TMEM245: variants seen among roughly 807,000 people sequenced by gnomAD.
The protein encoded by TMEM245 is transmembrane protein 245.
TMEM245 carries 69 observed loss-of-function variants against 101.2 expected under a neutral mutation model. That is an observed-to-expected ratio of 0.68 (90% confidence interval 0.56 to 0.83). The LOEUF is 0.83. Ranked by LOEUF, TMEM245 falls within the 40% of genes least tolerant of loss-of-function variation. The probability of loss-of-function intolerance (pLI) is 0.00; values close to 1 mark genes in which losing one functional copy is unlikely to be tolerated. For synonymous variants in TMEM245, 537 were observed against 449.8 expected (o/e 1.19, Z -2.45); for missense variants, 1,075 against 1,092.8 (o/e 0.98, Z 0.23).
chr9:109,059,208 T>C (rs938109142), intron 11 of TMEM245, among the ~76,000 whole-genome samples: 3 of 152,204 alleles, frequency 2.0e-5, no homozygotes, highest in African/African-American at 7.2e-5. Context: ...AGATATTCCC[T>C]GAATATTTTT....
chr9:109,031,217 T>A (rs983042205), intron 17 of TMEM245, among the ~76,000 whole-genome samples: 1 of 152,252 alleles, frequency 6.6e-6, no homozygotes, highest in African/African-American at 2.4e-5. Context: ...CTTTTAGGTA[T>A]ATGTCCAACT....
chr9:109,101,344 C>T lies in TMEM245; in HGVS notation c.799+5164G>A, dbSNP rs548591163. Among the ~76,000 whole-genome samples the T allele has an allele frequency of 2.6e-5, 4 of 152,180 alleles. No homozygotes were observed. In the East Asian group the frequency reaches 5.8e-4, roughly 22 times the overall value. ...ACACTGGAAATGACAAGGAAAGAGC[C>T]GATGCACACACTGTTGTGGCAGTAT... On this transcript the variant is annotated intron_variant, in intron 3 of 17. Transcript: ENST00000374586.
At chr9:109,033,938 T>C (rs544499779) in intron 16 of TMEM245, among the ~76,000 whole-genome samples, 5 of 152,358 alleles carry the variant, frequency 3.3e-5, no homozygotes, top group African/African-American at 4.8e-5. Flanking sequence ...AATGAGAGCA[T>C]CCCTGTTACT....
chr9:109,090,398 G>T (rs550433619), intron 5 of TMEM245, among the ~76,000 whole-genome samples: 140 of 152,158 alleles, frequency 9.2e-4, no homozygotes, highest in Non-Finnish European at 1.5e-3. Flanking sequence ...ACATGAAATT[G>T]TAAGAAGCTA....
chr9:109,099,479 G>C (rs1469656747), intron 3 of TMEM245, among the ~76,000 whole-genome samples: 4 of 152,138 alleles, frequency 2.6e-5, no homozygotes, highest in Non-Finnish European at 5.9e-5. Flanking sequence ...GTACTTGCTG[G>C]TACTTCTCAG....
chr9:109,090,550 G>A (rs1264502765), intron 5 of TMEM245, among the ~76,000 whole-genome samples: 2 of 151,730 alleles, frequency 1.3e-5, no homozygotes, highest in African/African-American at 2.4e-5. Flanking sequence ...GTGAAACGCT[G>A]TCTCTACTAA....
At chr9:109,057,142 GTTTGT>G (rs1163730981) in intron 12 of TMEM245, 44 bp downstream of exon 12, 6 of 1,589,842 alleles carry the variant, frequency 3.8e-6, no homozygotes, top group Non-Finnish European at 5.2e-6. Flanking sequence ...TGGAATTACA[GTTTGT>G]TTTTATTTTG....
At position 109,018,274 on chromosome 9, in the gene TMEM245, C is replaced by T. The variant is rs1278971847; in HGVS notation, c.*2186G>A. The T allele has an allele frequency of 6.6e-6, 1 of 152,086 alleles. No homozygotes were observed. Among genetic ancestry groups the T allele is most frequent in the Non-Finnish European group, 1.5e-5 (1 of 68,010 alleles). 9.4% of individuals were successfully genotyped at this position (152,086 alleles called of 1,614,324 possible). ...TAACAAAAACAAATGATTTTTTAGCCTTTTAATGCAAAAAATTTAAATTTA... is the reference window on the plus strand; with the variant it reads ...TAACAAAAACAAATGATTTTTTAGCTTTTTAATGCAAAAAATTTAAATTTA... On this transcript the variant is annotated 3_prime_UTR_variant, in exon 18 of 18. Coordinates refer to ENST00000374586, the MANE Select transcript of TMEM245 (RefSeq NM_032012.4).
intron 9 of TMEM245, among the ~76,000 whole-genome samples, chr9:109,072,944 G>A (rs1231627003): frequency 1.3e-5 from 2 of 152,154 alleles, no homozygotes; most frequent in African/African-American, 2.4e-5. Context: ...CAGAAGCAGT[G>A]GTTATAAATG....
At chr9:109,021,906 G>T (rs2132268186) in intron 17 of TMEM245, among the ~76,000 whole-genome samples, 1 of 152,282 alleles carries the variant, frequency 6.6e-6, no homozygotes, top group Non-Finnish European at 1.5e-5. Flanking sequence ...CTAAGGAACA[G>T]CTCACAGTAG....
intron 10 of TMEM245, among the ~76,000 whole-genome samples, chr9:109,061,545 A>T (rs1829011259): frequency 6.6e-6 from 1 of 152,098 alleles, no homozygotes; most frequent in African/African-American, 2.4e-5. Flanking sequence ...GCTGATCATT[A>T]CCCACTCTAA....
intron 10 of TMEM245, among the ~76,000 whole-genome samples, chr9:109,063,889 A>C (rs1264768984): frequency 6.6e-6 from 1 of 152,220 alleles, no homozygotes; most frequent in African/African-American, 2.4e-5. Flanking sequence ...GCCACATCAA[A>C]AGCACTTAAT....
In TMEM245 at chr9:109,015,202, TAAAG is replaced by T. The variant is rs1282945302; in HGVS notation, c.*5254_*5257del. Reference sequence around the variant, plus strand: ...TCAAAATATAAATATTTCACATTAATAAAGAAGTTACATCAGTAGGTTGTCAAAG... The same window carrying T: ...TCAAAATATAAATATTTCACATTAATAAGTTACATCAGTAGGTTGTCAAAG... On this transcript the variant is annotated 3_prime_UTR_variant, in exon 18 of 18. Coordinates refer to ENST00000374586, the MANE Select transcript of TMEM245 (RefSeq NM_032012.4). 3 of 151,640 alleles carry T rather than the reference TAAAG, an allele frequency of 2.0e-5. No homozygotes were observed. Among genetic ancestry groups the T allele is most frequent in the Non-Finnish European group, 4.4e-5 (3 of 67,880 alleles). 9.4% of individuals were successfully genotyped at this position (151,640 alleles called of 1,614,324 possible).
intron 1 of TMEM245, among the ~76,000 whole-genome samples, chr9:109,116,989 C>T (rs1352422172): frequency 1.3e-5 from 2 of 152,114 alleles, no homozygotes; most frequent in African/African-American, 4.8e-5. Context: ...AAATTTAGCC[C>T]TTCTACCACT....
At chr9:109,021,886 G>A (rs569974289) in intron 17 of TMEM245, among the ~76,000 whole-genome samples, 58 of 151,802 alleles carry the variant, frequency 3.8e-4, no homozygotes, top group Admixed American at 9.8e-4. Flanking sequence ...TAAAGTAAGT[G>A]TTCCAAAACC....
At position 109,035,376 on chromosome 9, in the gene TMEM245, G is replaced by C. The variant is rs1267099549; in HGVS notation, c.2399+830C>G. Among the ~76,000 whole-genome samples, 4 of 152,060 alleles carry C rather than the reference G, an allele frequency of 2.6e-5. No individual in the cohort carries two copies. The South Asian group carries it at 6.2e-4, about 24-fold the overall frequency. The stretch of plus-strand genomic sequence containing the variant: ...TTTTAATGTGACTGAGAACTGGCTT[G>C]ATATACTTAATGCAATTTCTAAAAG... On this transcript the variant is annotated intron_variant, in intron 16 of 17. Transcript: ENST00000374586.
At chr9:109,107,395 T>C in intron 2 of TMEM245, among the ~76,000 whole-genome samples, 1 of 133,072 alleles carries the variant, frequency 7.5e-6, no homozygotes, top group East Asian at 2.1e-4. Flanking sequence ...TGAGACTCTG[T>C]CTCAAAAAAA....
intron 9 of TMEM245, among the ~76,000 whole-genome samples, chr9:109,069,484 A>C (rs1276539415): frequency 6.6e-6 from 1 of 152,118 alleles, no homozygotes; most frequent in African/African-American, 2.4e-5. Context: ...ATTATATCCA[A>C]AGAGCCAGAG....
intron 4 of TMEM245, among the ~76,000 whole-genome samples, chr9:109,092,046 T>C (rs1830022596): frequency 6.6e-6 from 1 of 152,126 alleles, no homozygotes; most frequent in Non-Finnish European, 1.5e-5. Context: ...AAATAAGAAC[T>C]CCCATAATCC....
Sources: allele counts gnomAD v4.1 joint callset (sites outside exome capture counted in the v4.1 genomes callset), GRCh38; gene constraint gnomAD v4.1.1; transcripts MANE v1.5; gene names NCBI Gene and HGNC (gene_info 2026-07-23, HGNC 2026-07-21).